DST: variants seen among roughly 807,000 people sequenced by gnomAD.
DST encodes dystonin.
Under a neutral mutation model 875.2 loss-of-function variants are expected in DST, and 253 were observed. The ratio of observed to expected loss-of-function variants is 0.29; its 90% CI spans 0.26 to 0.32. The LOEUF (loss-of-function observed/expected upper bound fraction) is 0.32, where lower values mean the gene tolerates loss of function less well. DST is among the 10% of genes least tolerant of loss of function. The probability of loss-of-function intolerance (pLI) is 1.00; values close to 1 mark genes in which losing one functional copy is unlikely to be tolerated. For synonymous variants in DST, 3,124 were observed against 3,197.1 expected (o/e 0.98, Z 0.77); for missense variants, 8,287 against 9,111.6 (o/e 0.91, Z 3.68).
intron 5 of DST, among the ~76,000 whole-genome samples, chr6:56,708,050 T>C (rs1040903774): frequency 1.3e-5 from 2 of 152,140 alleles, no homozygotes; most frequent in African/African-American, 2.4e-5. Context: ...TGAGCTGTGA[T>C]CATGCCACTG....
chr6:56,774,992 CAAAAAAAAA>C (rs71549720), intron 4 of DST, among the ~76,000 whole-genome samples: 1 of 52,324 alleles, frequency 1.9e-5, no homozygotes, highest in Non-Finnish European at 4.7e-5. Context: ...AACTCCATCT[CAAAAAAAAA>C]AAAAAAAAAA....
chr6:56,838,337 T>C lies in DST; in HGVS notation c.625+13060A>G, dbSNP rs79759028. Among the ~76,000 whole-genome samples, 833 of 152,332 alleles carry C rather than the reference T, an allele frequency of 5.5e-3. 6 individuals carry two copies. Among genetic ancestry groups the C allele is most frequent in the African/African-American group, 0.019 (786 of 41,578 alleles). On this transcript the variant is annotated intron_variant, in intron 4 of 103. Coordinates refer to ENST00000680361, the MANE Select transcript of DST (RefSeq NM_001374736.1). ...GATATTTTCATAATCTCCAATTGCA[T>C]GAAGATGCTTTGGTCAAATATTCCA...
chr6:56,628,286 A>G (rs1404666370), intron 32 of DST, 125 bp from the exon 33 acceptor site: 2 of 828,798 alleles, frequency 2.4e-6, no homozygotes, highest in Admixed American at 2.0e-5. Flanking sequence ...GGGTATGTAT[A>G]AAGAACTCAA....
intron 2 of DST, among the ~76,000 whole-genome samples, chr6:56,953,072 C>T (rs1181891852): frequency 1.3e-5 from 2 of 152,184 alleles, no homozygotes; most frequent in Non-Finnish European, 2.9e-5. Context: ...GCAGCAACCT[C>T]CAAGCCTGGC....
intron 13 of DST, among the ~76,000 whole-genome samples, chr6:56,647,362 T>C (rs138870024): frequency 1.2e-3 from 187 of 152,296 alleles, no homozygotes; most frequent in African/African-American, 4.3e-3. Context: ...AAAAGTATCA[T>C]ATCATCAGAT....
At chr6:56,618,561 A>C in intron 36 of DST, 1 of 1,614,102 alleles carries the variant, frequency 6.2e-7, no homozygotes. Flanking sequence ...CATTTTTGGT[A>C]ATGATTTGCT....
intron 4 of DST, among the ~76,000 whole-genome samples, chr6:56,803,483 A>G (rs549685999): frequency 6.6e-6 from 1 of 152,378 alleles, no homozygotes; most frequent in South Asian, 2.1e-4. Context: ...CCATGTGAGT[A>G]CAAGCATCTT....
At chr6:56,649,898 C>T (rs1170365902) in intron 12 of DST, among the ~76,000 whole-genome samples, 1 of 152,068 alleles carries the variant, frequency 6.6e-6, no homozygotes, top group Non-Finnish European at 1.5e-5. Flanking sequence ...GGAAAGCTAT[C>T]GGCCTAGTTC....
intron 77 of DST, among the ~76,000 whole-genome samples, chr6:56,505,520 G>A (rs2096281014): frequency 6.7e-6 from 1 of 149,980 alleles, no homozygotes; most frequent in Non-Finnish European, 1.5e-5. Flanking sequence ...ATATAATAAA[G>A]TGTTATTTGT....
rs541693984 is a variant in DST at position 56,586,592 on chromosome 6, G to A, written c.12903+5590C>T. ...CTTTTAATTGGAGCATTTAGAGAAC[G>A]GGCAGATTGCCTCCTCAAGTGGGTC... On this transcript the variant is annotated intron_variant, in intron 49 of 103. Transcript: ENST00000680361. Among the ~76,000 whole-genome samples, 8 of 151,944 alleles carry A rather than the reference G, an allele frequency of 5.3e-5. No individual in the cohort carries two copies. In the South Asian group the frequency reaches 1.0e-3, roughly 20 times the overall value.
In DST at chr6:56,561,438, T is replaced by C. The variant is rs1235195966; in HGVS notation, c.14180A>G (p.Gln4727Arg). Residue 4727 changes from glutamine to arginine, a missense_variant, in exon 57 of 104, where the codon CAA becomes CGA. By Grantham distance (43) the Gln-to-Arg change is conservative. Transcript: ENST00000680361. Reference sequence around the variant, plus strand: ...TGCACTTGATTCTTCCTGAGCCTTTTGCAATTTGGAGAGTTTAGTGTTCAG... The same window carrying C: ...TGCACTTGATTCTTCCTGAGCCTTTCGCAATTTGGAGAGTTTAGTGTTCAG... ...AELNTKLSKL[Q>R]KAQEESSAMM... 14 of 1,613,812 alleles carry C rather than the reference T, an allele frequency of 8.7e-6. No individual in the cohort carries two copies. Among genetic ancestry groups the C allele is most frequent in the African/African-American group, 1.3e-5 (1 of 74,942 alleles).
chr6:56,760,250 C>T (rs1247822787), intron 4 of DST, among the ~76,000 whole-genome samples: 1 of 152,084 alleles, frequency 6.6e-6, no homozygotes, highest in Non-Finnish European at 1.5e-5. Context: ...ATGATTAAGC[C>T]ATGTTTTGGG....
intron 12 of DST, among the ~76,000 whole-genome samples, chr6:56,650,028 G>A (rs1165427203): frequency 1.3e-5 from 2 of 152,114 alleles, no homozygotes; most frequent in Non-Finnish European, 2.9e-5. Context: ...ATGGGAACAG[G>A]CTACTCAGGG....
intron 34 of DST, among the ~76,000 whole-genome samples, chr6:56,625,488 G>A (rs924734032): frequency 2.0e-5 from 3 of 152,092 alleles, no homozygotes; most frequent in African/African-American, 7.2e-5. Context: ...TATACATGAT[G>A]GTAGCCCCAT....
intron 3 of DST, among the ~76,000 whole-genome samples, chr6:56,868,594 A>AT (rs1473968764): frequency 1.3e-5 from 2 of 152,204 alleles, no homozygotes; most frequent in African/African-American, 2.4e-5. Context: ...GGACTACAAC[A>AT]TTTTTTTAGA....
At chr6:56,658,799 C>A (rs2099023719) in intron 10 of DST, among the ~76,000 whole-genome samples, 1 of 152,134 alleles carries the variant, frequency 6.6e-6, no homozygotes, top group Non-Finnish European at 1.5e-5. Flanking sequence ...CTCAGAGCTC[C>A]AAAGGGAGCT....
chr6:56,889,852 CAGAA>C (rs1446644289), intron 3 of DST, among the ~76,000 whole-genome samples: 3 of 152,184 alleles, frequency 2.0e-5, no homozygotes, highest in Admixed American at 6.5e-5. Flanking sequence ...TGCCCTGCCA[CAGAA>C]AGAGGGGGCC....
intron 48 of DST, 146 bp downstream of exon 48, chr6:56,593,516 CA>C (rs58251502): frequency 0.053 from 16,739 of 317,196 alleles, no homozygotes; most frequent in South Asian, 0.085. Context: ...GACTCCTTCT[CA>C]AAAAAAAAAA....
intron 61 of DST, among the ~76,000 whole-genome samples, chr6:56,545,357 T>C (rs1015593416): frequency 2.6e-5 from 4 of 151,862 alleles, no homozygotes; most frequent in Admixed American, 1.3e-4. Context: ...AAAGTTTTCC[T>C]GAAAAATAGC....
Sources: gnomAD v4.1 joint callset for allele counts (sites outside exome capture counted in the v4.1 genomes callset) on GRCh38, gnomAD v4.1.1 for gene constraint, MANE v1.5 for transcripts, NCBI Gene and HGNC (gene_info 2026-07-23, HGNC 2026-07-21) for gene names.